Variants in TNIP2 observed in about 807,000 individuals in gnomAD.
The protein encoded by TNIP2 is TNFAIP3 interacting protein 2.
In TNIP2, 30 loss-of-function variants were observed where a neutral mutation model predicts 43.7. The ratio of observed to expected loss-of-function variants is 0.69; its 90% CI spans 0.51 to 0.93. The LOEUF (loss-of-function observed/expected upper bound fraction) is 0.93. Ranked by LOEUF, TNIP2 falls within the 40% of genes least tolerant of loss-of-function variation. TNIP2 has a pLI of 0.00. For synonymous variants in TNIP2, 260 were observed against 254.6 expected (o/e 1.02, Z -0.20); for missense variants, 599 against 591.0 (o/e 1.01, Z -0.14).
intron 5 of TNIP2, 97 bp from the exon 6 acceptor site, chr4:2,742,617 G>A: frequency 6.0e-6 from 8 of 1,333,728 alleles, no homozygotes; most frequent in Non-Finnish European, 8.0e-6. Flanking sequence ...ACCTATCCCT[G>A]AGCGGAACTT....
rs762514576 is a variant in TNIP2 at position 2,744,901 on chromosome 4, C to T, written c.702G>A (p.Arg234=). The T allele has an allele frequency of 4.6e-5, 74 of 1,611,784 alleles. No individual in the cohort carries two copies. Among genetic ancestry groups the T allele is most frequent in the African/African-American group, 8.0e-5 (6 of 74,924 alleles). ...CATGGAGCCCCCTCACGTATTCGTC[C>T]CTGCTGGCGTTGTAGCGCTGCCACT... is the stretch of plus-strand genomic sequence containing the variant. ...NAKWQRYNAS[R]DEYVRGLHAQ... Residue 234 remains arginine, a synonymous_variant, in exon 4 of 6, where the codon AGG becomes AGA. Transcript: ENST00000315423. This position sits in a 1 kb window ranked among gnomAD's most constrained non-coding sequence, Gnocchi z 5.1.
intron 1 of TNIP2, among the ~76,000 whole-genome samples, chr4:2,753,216 A>T (rs1722145726): frequency 6.6e-6 from 1 of 152,174 alleles, no homozygotes; most frequent in African/African-American, 2.4e-5. Flanking sequence ...AGGCAGGAGG[A>T]TCACTTGAAG....
At chr4:2,754,061 T>A (rs919998550) in intron 1 of TNIP2, among the ~76,000 whole-genome samples, 6 of 152,316 alleles carry the variant, frequency 3.9e-5, no homozygotes, top group Admixed American at 1.3e-4. Context: ...GGCTATTTTA[T>A]TCTTTATTTT....
At chr4:2,742,822 G>A (rs983125273) in intron 5 of TNIP2, among the ~76,000 whole-genome samples, 3 of 152,216 alleles carry the variant, frequency 2.0e-5, no homozygotes, top group Non-Finnish European at 4.4e-5. Flanking sequence ...CTGAGAAGGT[G>A]GCCCTGATGA....
In TNIP2 at chr4:2,747,708, G is replaced by C. The variant is rs1721986951; in HGVS notation, c.514C>G (p.Leu172Val). ...AHMCQHLAKCLDERQHAQRNV... is the reference protein window; with the variant it reads ...AHMCQHLAKCVDERQHAQRNV... ...CTTTGTGCATGCTGTCGTTCATCCA[G>C]ACACTTGGCCAGATGCTGACACATG... The change falls in exon 2 of 6, where the codon CTG becomes GTG. Residue 172 changes from leucine (L) to valine (V), a missense_variant. Coordinates refer to ENST00000315423, the MANE Select transcript of TNIP2 (RefSeq NM_024309.4). 5 of 1,604,102 alleles carry C rather than the reference G, an allele frequency of 3.1e-6. No homozygotes were observed. The highest frequency in any genetic ancestry group is 4.2e-6 in the Non-Finnish European group (5 of 1,179,938).
chr4:2,749,680 G>A (rs1022290875), intron 1 of TNIP2, among the ~76,000 whole-genome samples: 4 of 152,208 alleles, frequency 2.6e-5, no homozygotes, highest in African/African-American at 7.2e-5. Context: ...CTGGCTTCTG[G>A]CCTCTAGAAC....
chr4:2,755,917 C>G (rs1410164418), intron 1 of TNIP2, 97 bp downstream of exon 1: 1 of 1,397,164 alleles, frequency 7.2e-7, no homozygotes. Flanking sequence ...CCCCTCAACC[C>G]CTCAGGACCC....
intron 1 of TNIP2, among the ~76,000 whole-genome samples, chr4:2,749,935 C>G (rs951914496): frequency 1.3e-5 from 2 of 152,100 alleles, no homozygotes; most frequent in Non-Finnish European, 1.5e-5. Context: ...CCTCAGCACC[C>G]TAAGTAGTTG....
Position 2,741,900 on chromosome 4 carries a change from C to T in TNIP2, c.*357G>A, listed in dbSNP as rs1238618688. 2 of 200,000 alleles carry T rather than the reference C, an allele frequency of 1.0e-5. No individual in the cohort carries two copies. Among genetic ancestry groups the T allele is most frequent in the African/African-American group, 4.6e-5 (2 of 43,416 alleles). The allele number at this position is 200,000 out of a possible 1,614,324, so 12.4% of individuals were successfully genotyped here. A position where few individuals can be genotyped will look rare whatever the true frequency, so the allele number is the denominator to read the frequency against. Reference sequence around the variant, plus strand: ...AGGATGGGGCTCCCACCCTGGGGACCATACAAGTGACTCCCTCAGGCAGCC... The same window carrying T: ...AGGATGGGGCTCCCACCCTGGGGACTATACAAGTGACTCCCTCAGGCAGCC... On this transcript the variant is annotated 3_prime_UTR_variant, in exon 6 of 6. Coordinates refer to ENST00000315423, the MANE Select transcript of TNIP2 (RefSeq NM_024309.4).
intron 5 of TNIP2, among the ~76,000 whole-genome samples, chr4:2,743,810 A>G (rs750959975): frequency 2.2e-4 from 33 of 152,228 alleles, no homozygotes; most frequent in Non-Finnish European, 4.0e-4. Flanking sequence ...TTTGCAGAGC[A>G]CAAGTCAGTG....
In TNIP2 at chr4:2,742,177, T is replaced by C; in HGVS notation, c.*80A>G. The C allele has an allele frequency of 7.6e-7, 1 of 1,322,280 alleles. No homozygotes were observed. Among genetic ancestry groups the C allele is most frequent in the Admixed American group, 3.5e-5 (1 of 28,458 alleles). 81.9% of individuals were successfully genotyped at this position (1,322,280 alleles called of 1,614,324 possible). A position where few individuals can be genotyped will look rare whatever the true frequency, so the allele number is the denominator to read the frequency against. Reference sequence around the variant, plus strand: ...TTGGCTCTCAGTAGAGCTCAACCCATGGCATCTGAGAGCACCCACCCTGTC... The same window carrying C: ...TTGGCTCTCAGTAGAGCTCAACCCACGGCATCTGAGAGCACCCACCCTGTC... On this transcript the variant is annotated 3_prime_UTR_variant, in exon 6 of 6. Transcript: ENST00000315423.
intron 1 of TNIP2, among the ~76,000 whole-genome samples, chr4:2,751,982 G>A (rs1722114123): frequency 6.6e-6 from 1 of 151,664 alleles, no homozygotes; most frequent in Non-Finnish European, 1.5e-5. Context: ...GTGGGCGCCT[G>A]TAGTCCCAGC....
chr4:2,750,397 GATT>G (rs71644358), intron 1 of TNIP2, among the ~76,000 whole-genome samples: 4,930 of 145,608 alleles, frequency 0.034, 261 homozygotes, highest in African/African-American at 0.11. Flanking sequence ...CGAGAACCCT[GATT>G]ATTATTATTA....
At chr4:2,755,539 C>G (rs1297772243) in intron 1 of TNIP2, among the ~76,000 whole-genome samples, 1 of 148,758 alleles carries the variant, frequency 6.7e-6, no homozygotes, top group Non-Finnish European at 1.5e-5. Context: ...ACCCAGAGCC[C>G]CCTCACCTCC....
chr4:2,751,843 T>C (rs927237527), intron 1 of TNIP2, among the ~76,000 whole-genome samples: 14 of 146,374 alleles, frequency 9.6e-5, no homozygotes, highest in African/African-American at 2.5e-4. Context: ...CGGTGGCTCA[T>C]GCCTGCAATC....
In TNIP2 at chr4:2,742,360, G is replaced by A. The variant is rs2269495; in HGVS notation, c.1187C>T (p.Ala396Val). 0.42 allele frequency: 674,023 copies of A among 1,597,698 alleles called. 147,766 individuals are homozygous for A. Among genetic ancestry groups the A allele is most frequent in the Admixed American group, 0.62 (36,100 of 57,906 alleles). The change falls in exon 6 of 6, where the codon GCC becomes GTC. Residue 396 changes from alanine (A) to valine (V), a missense_variant. By Grantham distance (64) the Ala-to-Val change is moderately conservative (BLOSUM62 0). Transcript: ENST00000315423. ...PPAEGGHPGAAQRGQGDLQCP... is the reference protein window; with the variant it reads ...PPAEGGHPGAVQRGQGDLQCP... ...CTGAAGGTCCCCCTGGCCTCTCTGG[G>A]CCGCGCCAGGATGCCCGCCCTCTGC... is the stretch of plus-strand genomic sequence containing the variant.
intron 1 of TNIP2, among the ~76,000 whole-genome samples, chr4:2,748,215 G>A (rs1722006281): frequency 6.7e-6 from 1 of 150,368 alleles, no homozygotes; most frequent in Non-Finnish European, 1.5e-5. Context: ...TCACTCTGTT[G>A]CCCAGGCTGG....
At position 2,747,884 on chromosome 4, in the gene TNIP2, C is replaced by T; in HGVS notation, c.338G>A (p.Ser113Asn). ...EKEREMQQLL[S>N]QPQHEREKEV... ...CTTCTCTCGCTCGTGTTGGGGCTGG[C>T]TCAGCAGCTGCTGCATCTCCCTCTC... The change falls in exon 2 of 6, where the codon AGC (serine) becomes AAC (asparagine). Residue 113 changes from serine (S) to asparagine (N), a missense_variant. Ser to Asn is a conservative substitution (Grantham distance 46, BLOSUM62 1). Transcript: ENST00000315423. The T allele has an allele frequency of 6.2e-7, 1 of 1,613,792 alleles. No individual in the cohort carries two copies. The highest frequency in any genetic ancestry group is 1.1e-5 in the South Asian group (1 of 91,092).
intron 1 of TNIP2, among the ~76,000 whole-genome samples, chr4:2,755,653 CCCAGG>C (rs1411803809): frequency 1.4e-5 from 2 of 140,204 alleles, no homozygotes; most frequent in Non-Finnish European, 3.1e-5. Context: ...TCCCCTAGGA[CCCAGG>C]GTCCCCTCAC....
Sources: allele counts gnomAD v4.1 joint callset (sites outside exome capture counted in the v4.1 genomes callset), GRCh38; gene constraint gnomAD v4.1.1; non-coding constraint Gnocchi (gnomAD v3.1); transcripts MANE v1.5; gene names NCBI Gene and HGNC (gene_info 2026-07-23, HGNC 2026-07-21).